Variants in GCH1 observed in about 807,000 individuals in gnomAD.
The protein encoded by GCH1 is GTP cyclohydrolase I.
A neutral mutation model predicts 25.9 loss-of-function variants in GCH1; 5 were observed. The ratio of observed to expected loss-of-function variants is 0.19; its 90% CI spans 0.10 to 0.41. The LOEUF (loss-of-function observed/expected upper bound fraction) is 0.41, where lower values mean the gene tolerates loss of function less well. Ranked by LOEUF, GCH1 falls within the 10% of genes least tolerant of loss-of-function variation. The pLI is 1.00. For missense variants in GCH1, 261 were observed against 336.5 expected, an observed-to-expected ratio of 0.78 and a Z score of 1.75; for synonymous variants, 159 against 129.6, an observed-to-expected ratio of 1.23 and a Z score of -1.54.
intron 1 of GCH1, among the ~76,000 whole-genome samples, chr14:54,876,274 T>C (rs1027295515): frequency 2.6e-5 from 4 of 151,962 alleles, no homozygotes; most frequent in Admixed American, 6.6e-5. Context: ...TTCTCACTCA[T>C]AGGTGGGAAT....
Position 54,845,779 on chromosome 14 carries a change from C to T in GCH1, c.615G>A (p.Val205=), listed in dbSNP as rs762802357. Residue 205 remains valine (V), a synonymous_variant, in exon 5 of 6, where the codon GTG becomes GTA. Transcript: ENST00000491895. ...EALRPAGVGV[V]VEATHMCMVM... ...AGATGCAGACTTACGTTGCTTCAAC[C>T]ACTACCCCGACTCCAGCAGGCCGCA... 2.5e-6 allele frequency: 4 copies of T among 1,595,528 alleles called. No homozygotes were observed. Among genetic ancestry groups the T allele is most frequent in the Non-Finnish European group, 2.6e-6 (3 of 1,162,922 alleles).
At chr14:54,860,674 G>A (rs567483628) in intron 2 of GCH1, among the ~76,000 whole-genome samples, 78 of 151,850 alleles carry the variant, frequency 5.1e-4, no homozygotes, top group African/African-American at 1.7e-3. Flanking sequence ...CTGAGTAGCC[G>A]GGACTACAGG....
intron 5 of GCH1, among the ~76,000 whole-genome samples, chr14:54,845,477 C>CAAA (rs202052423): frequency 1.5e-4 from 20 of 137,872 alleles, no homozygotes; most frequent in African/African-American, 5.0e-4. Context: ...GGCTCCATCT[C>CAAA]AAAAAAAAAA....
intron 3 of GCH1, among the ~76,000 whole-genome samples, chr14:54,851,044 C>A (rs1035009587): frequency 2.0e-5 from 3 of 152,110 alleles, no homozygotes; most frequent in African/African-American, 7.2e-5. Context: ...AGATATAGAC[C>A]AATGGAACAG....
In GCH1 at chr14:54,843,185, T is replaced by C. The variant is rs762794622; in HGVS notation, c.*832A>G. On this transcript the variant is annotated 3_prime_UTR_variant, in exon 6 of 6. Coordinates refer to ENST00000491895, the MANE Select transcript of GCH1 (RefSeq NM_000161.3). ...TCACACAAAGGAAACTCAATAAACC[T>C]ATAAAGTTAAAACTGAGCTGACTAG... The C allele has an allele frequency of 4.7e-6, 7 of 1,475,406 alleles. No individual in the cohort carries two copies. The highest frequency in any genetic ancestry group is 6.3e-6 in the Non-Finnish European group (7 of 1,116,404). The allele number at this position is 1,475,406 out of a possible 1,614,324, so 91.4% of individuals were successfully genotyped here.
intron 5 of GCH1, among the ~76,000 whole-genome samples, chr14:54,844,619 T>C (rs1003087450): frequency 3.3e-5 from 5 of 152,210 alleles, no homozygotes; most frequent in Admixed American, 3.3e-4. Flanking sequence ...AGAATTCAGA[T>C]AATGGTGACC....
At chr14:54,858,963 C>G (rs2039855012) in intron 3 of GCH1, among the ~76,000 whole-genome samples, 1 of 152,134 alleles carries the variant, frequency 6.6e-6, no homozygotes, top group Non-Finnish European at 1.5e-5. Flanking sequence ...AGGCATGAAC[C>G]CACAGGATAA....
intron 2 of GCH1, among the ~76,000 whole-genome samples, chr14:54,862,485 C>A (rs141172180): frequency 1.4e-5 from 2 of 146,906 alleles, no homozygotes; most frequent in Non-Finnish European, 3.0e-5. Flanking sequence ...TGGGTTCAAG[C>A]GATTCTCCAA....
Position 54,861,537 on chromosome 14 carries a change from A to C in GCH1, c.454-1801T>G, listed in dbSNP as rs549309901. On this transcript the variant is annotated intron_variant, in intron 2 of 5. Coordinates refer to ENST00000491895, the MANE Select transcript of GCH1 (RefSeq NM_000161.3). ...CAGGAGTTCAAGACCAGCCTGGCCA[A>C]CATGGTGAGACCCCATCTCTACTAA... Among the ~76,000 whole-genome samples the C allele has an allele frequency of 2.0e-5, 3 of 152,144 alleles. No homozygotes were observed. In the South Asian group the frequency reaches 6.2e-4, roughly 32 times the overall value.
chr14:54,863,186 A>G (rs542788035), intron 2 of GCH1, among the ~76,000 whole-genome samples: 46 of 152,076 alleles, frequency 3.0e-4, no homozygotes, highest in Middle Eastern at 3.4e-3. Flanking sequence ...TTGGGAGGCC[A>G]AGGCGGGCGG....
At chr14:54,893,639 TAC>T (rs1246184269) in intron 1 of GCH1, among the ~76,000 whole-genome samples, 2 of 152,230 alleles carry the variant, frequency 1.3e-5, no homozygotes, top group African/African-American at 4.8e-5. Context: ...ACTTTCAAGA[TAC>T]AGTCTTGGGA....
chr14:54,880,416 AAT>A (rs962085206), intron 1 of GCH1, among the ~76,000 whole-genome samples: 9 of 120,650 alleles, frequency 7.5e-5, no homozygotes, highest in East Asian at 2.7e-4. Flanking sequence ...TAATATATAA[AAT>A]ATATATATAC....
Position 54,843,854 on chromosome 14 carries a change from A to C in GCH1, c.*163T>G. 1 of 1,611,604 alleles carries C rather than the reference A, an allele frequency of 6.2e-7. No individual in the cohort carries two copies. The highest frequency in any genetic ancestry group is 1.1e-5 in the South Asian group (1 of 90,876). Reference sequence around the variant, plus strand: ...AAAGTAGAGGGCTCAACCCTTTATTATATTTATTTGACTTCCTAGAAATAA... The same window carrying C: ...AAAGTAGAGGGCTCAACCCTTTATTCTATTTATTTGACTTCCTAGAAATAA... On this transcript the variant is annotated 3_prime_UTR_variant, in exon 6 of 6. Coordinates refer to ENST00000491895, the MANE Select transcript of GCH1 (RefSeq NM_000161.3).
chr14:54,876,516 C>T (rs1179057384), intron 1 of GCH1, among the ~76,000 whole-genome samples: 4 of 151,794 alleles, frequency 2.6e-5, no homozygotes, highest in East Asian at 1.9e-4. Context: ...TTATAAAGTA[C>T]TGCATGGTGA....
chr14:54,871,128 C>T (rs1013250986), intron 1 of GCH1, among the ~76,000 whole-genome samples: 1 of 152,296 alleles, frequency 6.6e-6, no homozygotes, highest in East Asian at 1.9e-4. Flanking sequence ...CTCACACAGC[C>T]GGGTACTCCT....
rs141410606 is a variant in GCH1, at chr14:54,878,961, T to C, written c.344-13525A>G. ...TTTTTTTGTAGAGACAGAGTCTCAT[T>C]ATGTTGCCCAGGCTGATCTTGAACT... is the stretch of plus-strand genomic sequence containing the variant. On this transcript the variant is annotated intron_variant, in intron 1 of 5. Coordinates refer to ENST00000491895, the MANE Select transcript of GCH1 (RefSeq NM_000161.3). Among the ~76,000 whole-genome samples, 973 of 152,176 alleles carry C rather than the reference T, an allele frequency of 6.4e-3. 7 individuals carry two copies. Among genetic ancestry groups the C allele is most frequent in the African/African-American group, 0.022 (901 of 41,520 alleles).
At chr14:54,895,718 A>G (rs540400609) in intron 1 of GCH1, among the ~76,000 whole-genome samples, 3 of 152,364 alleles carry the variant, frequency 2.0e-5, no homozygotes, top group Admixed American at 2.0e-4. Flanking sequence ...AATGGCACAG[A>G]AATAGATCAA....
intron 1 of GCH1, among the ~76,000 whole-genome samples, chr14:54,876,151 A>G (rs1415515490): frequency 3.3e-5 from 5 of 152,226 alleles, no homozygotes; most frequent in Admixed American, 2.6e-4. Flanking sequence ...TATACACCAC[A>G]GAATACTATG....
Position 54,902,711 on chromosome 14 carries a change from G to C in GCH1, c.-48C>G. On this transcript the variant is annotated 5_prime_UTR_variant, in exon 1 of 6. Transcript: ENST00000491895. ...TTCGGGAAGGACCCCGGGGCGCTTC[G>C]AGGTCTGCGGCTAAACTCCGCCGGT... 2 of 1,402,604 alleles carry C rather than the reference G, an allele frequency of 1.4e-6. No individual in the cohort carries two copies. Among genetic ancestry groups the C allele is most frequent in the Non-Finnish European group, 1.8e-6 (2 of 1,084,192 alleles). 86.9% of individuals were successfully genotyped at this position (1,402,604 alleles called of 1,614,324 possible).
Sources: allele counts gnomAD v4.1 joint callset (sites outside exome capture counted in the v4.1 genomes callset), GRCh38; gene constraint gnomAD v4.1.1; transcripts MANE v1.5; gene names NCBI Gene and HGNC (gene_info 2026-07-23, HGNC 2026-07-21).